Variants in SGCD observed in about 807,000 individuals in gnomAD.
The protein encoded by SGCD is delta-sarcoglycan.
SGCD carries 18 observed loss-of-function variants against 36.6 expected under a neutral mutation model. That is an observed-to-expected ratio of 0.49 (90% confidence interval 0.34 to 0.73). The LOEUF is 0.73. Ranked by LOEUF, SGCD falls within the 30% of genes least tolerant of loss-of-function variation. SGCD has a pLI of 0.01. For missense variants in SGCD, 387 were observed against 346.7 expected, an observed-to-expected ratio of 1.12 and a Z score of -0.92; for synonymous variants, 133 against 130.6, an observed-to-expected ratio of 1.02 and a Z score of -0.12.
chr5:156,021,187 T>C (rs533539846), intron 1 of SGCD, among the ~76,000 whole-genome samples: 8 of 152,298 alleles, frequency 5.3e-5, no homozygotes, highest in East Asian at 1.9e-4. Context: ...ATTTCTTTGA[T>C]AGAGAAAAAA....
intron 1 of SGCD, among the ~76,000 whole-genome samples, chr5:155,942,322 G>GTATC (rs1486613471): frequency 0.031 from 2,449 of 79,126 alleles, 26 homozygotes; most frequent in East Asian, 0.085. Flanking sequence ...ATGTATGTAT[G>GTATC]TATGTATGTA....
chr5:155,953,788 C>T (rs1757590144), intron 1 of SGCD, among the ~76,000 whole-genome samples: 1 of 152,160 alleles, frequency 6.6e-6, no homozygotes, highest in Non-Finnish European at 1.5e-5. Flanking sequence ...CTTGTATTTC[C>T]TCCAACAAAT....
At chr5:155,760,147 C>T in the SGCD span, among the ~76,000 whole-genome samples, 2 of 151,274 alleles carry the variant, frequency 1.3e-5, no homozygotes, top group African/African-American at 4.9e-5. Flanking sequence ...ATCACCCTCT[C>T]TATCATCCTC....
intron 4 of SGCD, among the ~76,000 whole-genome samples, chr5:156,579,705 G>C (rs1369040856): frequency 1.3e-5 from 2 of 152,122 alleles, no homozygotes; most frequent in Admixed American, 1.3e-4. Context: ...TTGGTTTAAA[G>C]TCTGTTTTAT....
chr5:155,891,590 T>G, intron 1 of SGCD, among the ~76,000 whole-genome samples: 1 of 123,000 alleles, frequency 8.1e-6, no homozygotes, highest in Admixed American at 9.0e-5. Flanking sequence ...TGACATTACT[T>G]GGTCAAACTC....
At chr5:156,188,719 G>A (rs144039757) in intron 3 of SGCD, among the ~76,000 whole-genome samples, 2 of 143,658 alleles carry the variant, frequency 1.4e-5, no homozygotes, top group African/African-American at 2.7e-5. Flanking sequence ...ACAAGATGAA[G>A]TTGAAGTTCC....
At chr5:155,997,506 C>A (rs149367534) in intron 1 of SGCD, among the ~76,000 whole-genome samples, 2 of 152,348 alleles carry the variant, frequency 1.3e-5, no homozygotes, top group African/African-American at 4.8e-5. Flanking sequence ...AGTTTGTCAT[C>A]ATGAAATACA....
At position 156,604,977 on chromosome 5, in the gene SGCD, A is replaced by G. The variant is rs545128320; in HGVS notation, c.502+9926A>G. Among the ~76,000 whole-genome samples the G allele has an allele frequency of 3.3e-5, 5 of 151,780 alleles. No individual in the cohort carries two copies. In the South Asian group the frequency reaches 6.2e-4, roughly 19 times the overall value. ...CATATTAAGGGATTGAAAGATTTACATAGTACCATTGTAGCAATGGGGTAT... is the reference window on the plus strand; with the variant it reads ...CATATTAAGGGATTGAAAGATTTACGTAGTACCATTGTAGCAATGGGGTAT... On this transcript the variant is annotated intron_variant, in intron 6 of 8. Transcript: ENST00000337851.
chr5:156,081,257 G>A (rs568689072), intron 1 of SGCD, among the ~76,000 whole-genome samples: 6 of 152,248 alleles, frequency 3.9e-5, no homozygotes, highest in South Asian at 2.1e-4. Context: ...TTATGAGGAC[G>A]CACTCACTAT....
At chr5:156,463,654 A>G (rs1754594486) in intron 3 of SGCD, among the ~76,000 whole-genome samples, 2 of 152,132 alleles carry the variant, frequency 1.3e-5, no homozygotes, top group South Asian at 4.1e-4. Context: ...TTGTCACTGA[A>G]GTTCTGTCTC....
intron 1 of SGCD, among the ~76,000 whole-genome samples, chr5:156,097,089 A>G (rs1296950046): frequency 6.6e-6 from 1 of 151,364 alleles, no homozygotes; most frequent in Non-Finnish European, 1.5e-5. Flanking sequence ...TTTTCCCTGT[A>G]TGGAATGCAT....
At chr5:156,174,824 T>C (rs1027201510) in intron 3 of SGCD, among the ~76,000 whole-genome samples, 8 of 152,084 alleles carry the variant, frequency 5.3e-5, no homozygotes, top group African/African-American at 1.2e-4. Flanking sequence ...AGAAAAAACA[T>C]TGATAATGGT....
At chr5:156,069,981 G>C (rs1760489889) in intron 1 of SGCD, among the ~76,000 whole-genome samples, 1 of 151,990 alleles carries the variant, frequency 6.6e-6, no homozygotes, top group South Asian at 2.1e-4. Context: ...CATTGATTTT[G>C]TATCCTGAGA....
chr5:156,297,799 T>A (rs1035525843), intron 3 of SGCD, among the ~76,000 whole-genome samples: 50 of 117,300 alleles, frequency 4.3e-4, no homozygotes, highest in African/African-American at 1.6e-3. Context: ...AAAAAATAAA[T>A]AAATAAATAA....
chr5:156,165,764 A>G (rs1763198003), intron 3 of SGCD, among the ~76,000 whole-genome samples: 1 of 152,230 alleles, frequency 6.6e-6, no homozygotes, highest in South Asian at 2.1e-4. Context: ...TATTTTAGGA[A>G]GAAATGTCAT....
intron 3 of SGCD, among the ~76,000 whole-genome samples, chr5:156,135,704 G>A (rs554764217): frequency 3.3e-5 from 5 of 152,254 alleles, no homozygotes; most frequent in Non-Finnish European, 5.9e-5. Context: ...GCCAAGAAGC[G>A]TTTCTGAAAC....
chr5:156,013,878 G>A (rs1023610558), intron 1 of SGCD, among the ~76,000 whole-genome samples: 4 of 151,282 alleles, frequency 2.6e-5, no homozygotes, highest in Admixed American at 1.3e-4. Flanking sequence ...CTTAATTTAG[G>A]TATTTATTCT....
At chr5:156,231,490 C>G (rs1296663962) in intron 3 of SGCD, among the ~76,000 whole-genome samples, 2 of 152,042 alleles carry the variant, frequency 1.3e-5, no homozygotes, top group Non-Finnish European at 2.9e-5. Flanking sequence ...GAGCTGAGAT[C>G]GCCCCACTGC....
chr5:156,032,859 CA>C (rs961004953), intron 1 of SGCD, among the ~76,000 whole-genome samples: 3 of 151,630 alleles, frequency 2.0e-5, no homozygotes, highest in African/African-American at 7.3e-5. Flanking sequence ...CTCTTAAGCC[CA>C]GGAGTTTGTG....
Sources: allele counts gnomAD v4.1 joint callset (sites outside exome capture counted in the v4.1 genomes callset), GRCh38; gene constraint gnomAD v4.1.1; transcripts MANE v1.5; gene names NCBI Gene and HGNC (gene_info 2026-07-23, HGNC 2026-07-21).